Variants in EFTUD2 observed in about 807,000 individuals in gnomAD.
EFTUD2 encodes 116 kDa U5 small nuclear ribonucleoprotein component.
Under a neutral mutation model 114.3 loss-of-function variants are expected in EFTUD2, and 9 were observed. That is an observed-to-expected ratio of 0.08 (90% CI 0.05 to 0.14). The LOEUF (loss-of-function observed/expected upper bound fraction) is 0.14. Among genes scored for constraint, EFTUD2 ranks in the 10% least tolerant of loss-of-function variants. EFTUD2 has a pLI of 1.00. For missense variants in EFTUD2, 765 were observed against 1,241.2 expected, an observed-to-expected ratio of 0.62 and a Z score of 5.76; for synonymous variants, 449 against 462.3, an observed-to-expected ratio of 0.97 and a Z score of 0.37.
chr17:44,883,943 G>T (rs2051119002), intron 4 of EFTUD2: 2 of 551,728 alleles, frequency 3.6e-6, no homozygotes, highest in South Asian at 4.5e-5. Flanking sequence ...ACTATCACGG[G>T]GATTTCAATA....
chr17:44,861,322 A>G (rs955730432), intron 16 of EFTUD2, among the ~76,000 whole-genome samples: 10 of 151,562 alleles, frequency 6.6e-5, no homozygotes, highest in African/African-American at 2.4e-4. Context: ...GTGCACACCT[A>G]TAACCCTGGC....
At chr17:44,880,780 C>T (rs2051059262) in intron 7 of EFTUD2, 136 bp from the exon 8 acceptor site, 1 of 607,878 alleles carries the variant, frequency 1.6e-6, no homozygotes, top group Non-Finnish European at 2.9e-6. Context: ...GGCCTCTAGC[C>T]AGCATGACCT....
rs748843213 is a variant in EFTUD2 at position 44,851,776 on chromosome 17, G to A, written c.2757C>T (p.Arg919=). The A allele has an allele frequency of 1.2e-6, 2 of 1,608,386 alleles. No individual in the cohort carries two copies. Among genetic ancestry groups the A allele is most frequent in the East Asian group, 4.5e-5 (2 of 44,774 alleles). ...GAGGAGCTGGCTGTGGCTCCAAGGG[G>A]CGGATGACAATGCTCTTGTCCAGGG... is the stretch of plus-strand genomic sequence containing the variant. The part of the protein sequence containing the change: ...GDPLDKSIVI[R]PLEPQPAPHL... The change falls in exon 27 of 28, where the codon CGC becomes CGT. Residue 919 remains arginine (R), a synonymous_variant. Transcript: ENST00000426333.
intron 9 of EFTUD2, among the ~76,000 whole-genome samples, chr17:44,877,606 G>C (rs375879503): frequency 2.6e-5 from 4 of 152,158 alleles, no homozygotes; most frequent in Non-Finnish European, 5.9e-5. Context: ...AGGAGTTCAA[G>C]ACCAGCCTGA....
chr17:44,853,047 A>AT (rs1447687144), intron 25 of EFTUD2, among the ~76,000 whole-genome samples: 2 of 151,986 alleles, frequency 1.3e-5, no homozygotes. Flanking sequence ...CGCCCAGCTA[A>AT]TTTTTTGTAT....
At chr17:44,888,119 C>T (rs1010226792) in intron 2 of EFTUD2, among the ~76,000 whole-genome samples, 4 of 152,118 alleles carry the variant, frequency 2.6e-5, no homozygotes. Flanking sequence ...ATGCAAAGGC[C>T]CAGAGCCAAG....
chr17:44,857,227 G>T, intron 19 of EFTUD2, 70 bp from the exon 20 acceptor site: 1 of 1,333,124 alleles, frequency 7.5e-7, no homozygotes, highest in Non-Finnish European at 1.1e-6. Flanking sequence ...TTACCTAAGG[G>T]AATTCAGAAG....
chr17:44,883,567 A>C, intron 5 of EFTUD2, 82 bp downstream of exon 5: 277 of 1,346,840 alleles, frequency 2.1e-4, no homozygotes, highest in Non-Finnish European at 2.7e-4. Context: ...CTCAAACCTC[A>C]ACCGCTGTGA....
At chr17:44,881,170 C>A (rs2051065910) in intron 7 of EFTUD2, among the ~76,000 whole-genome samples, 1 of 151,890 alleles carries the variant, frequency 6.6e-6, no homozygotes, top group Non-Finnish European at 1.5e-5. Flanking sequence ...CTTAAAACTT[C>A]CATTAGGAAA....
chr17:44,879,721 C>A, intron 8 of EFTUD2, 83 bp from the exon 9 acceptor site: 1 of 1,377,006 alleles, frequency 7.3e-7, no homozygotes, highest in Non-Finnish European at 1.0e-6. Context: ...GGGGGCACTT[C>A]AAAGCCCGTG....
In EFTUD2 at chr17:44,852,454, G is replaced by A. The variant is rs2050472995; in HGVS notation, c.2670C>T (p.His890=). 3 of 1,614,112 alleles carry A rather than the reference G, an allele frequency of 1.9e-6. No individual in the cohort carries two copies. Among genetic ancestry groups the A allele is most frequent in the Non-Finnish European group, 2.5e-6 (3 of 1,180,018 alleles). The change falls in exon 26 of 28, where the codon CAC becomes CAT. Residue 890 remains histidine, a synonymous_variant. Coordinates refer to ENST00000426333, the MANE Select transcript of EFTUD2 (RefSeq NM_004247.4). ...SFGFETDLRT[H]TQGQAFSLSV... is the part of the protein sequence containing the mutation. ...ACAGAGAAAAGGCTTGTCCCTGGGT[G>A]TGAGTCCGGAGATCAGTCTCAAAGC...
intron 18 of EFTUD2, 36 bp downstream of exon 18, chr17:44,859,869 G>A (rs1368238895): frequency 1.2e-6 from 2 of 1,613,198 alleles, no homozygotes; most frequent in Non-Finnish European, 1.7e-6. Flanking sequence ...GCTGGGGATA[G>A]TGGGGCTTGG....
chr17:44,855,051 G>T, intron 20 of EFTUD2, 47 bp from the exon 21 acceptor site: 1 of 1,513,748 alleles, frequency 6.6e-7, no homozygotes, highest in Non-Finnish European at 9.2e-7. Flanking sequence ...CAGAACAGCA[G>T]AAGAGGCATT....
chr17:44,874,506 A>G (rs1473277432), intron 10 of EFTUD2, among the ~76,000 whole-genome samples: 1 of 152,170 alleles, frequency 6.6e-6, no homozygotes, highest in African/African-American at 2.4e-5. Flanking sequence ...CTAGCCACAC[A>G]GGTTCCATCC....
At chr17:44,875,308 A>T (rs1274512041) in intron 10 of EFTUD2, among the ~76,000 whole-genome samples, 2 of 152,214 alleles carry the variant, frequency 1.3e-5, no homozygotes, top group Non-Finnish European at 2.9e-5. Flanking sequence ...AGGTGGGCGG[A>T]TCACGAGCTC....
Position 44,859,090 on chromosome 17 carries a change from A to C in EFTUD2, c.1952T>G (p.Ile651Arg). ...MHDLRKMYSE[I>R]DIKVADPVVT... is the part of the protein sequence containing the mutation. ...CAGATACTGCTGTACCTTGATGTCT[A>C]TCTCTGAGTACATCTTCCGCAAATC... Residue 651 changes from isoleucine to arginine, a missense_variant, in exon 19 of 28, where the codon ATA becomes AGA. By Grantham distance (97) the Ile-to-Arg change is moderately conservative (BLOSUM62 -3). Transcript: ENST00000426333. 2 of 1,611,278 alleles carry C rather than the reference A, an allele frequency of 1.2e-6. No homozygotes were observed. The highest frequency in any genetic ancestry group is 1.7e-6 in the Non-Finnish European group (2 of 1,177,404).
At position 44,863,786 on chromosome 17, in the gene EFTUD2, TG is replaced by T; in HGVS notation, c.1286-5del. ...TGCACACACATGTCCACAAAGCCTG[TG>T]GATGGAGAAGAGAAAGCCATTAATA... On this transcript the variant is annotated splice_polypyrimidine_tract_variant and splice_region_variant and intron_variant, in intron 14 of 27. Transcript: ENST00000426333. The T allele has an allele frequency of 6.2e-7, 1 of 1,613,658 alleles. No homozygotes were observed. Among genetic ancestry groups the T allele is most frequent in the Non-Finnish European group, 8.5e-7 (1 of 1,179,804 alleles).
intron 3 of EFTUD2, 72 bp from the exon 4 acceptor site, chr17:44,885,406 AGACT>A (rs2051150249): frequency 1.0e-6 from 1 of 985,856 alleles, no homozygotes; most frequent in African/African-American, 1.6e-5. Flanking sequence ...CTATTCCATT[AGACT>A]GACCTTTCAG....
At chr17:44,873,275 C>T (rs1020667264) in intron 10 of EFTUD2, 2 of 152,208 alleles carry the variant, frequency 1.3e-5, no homozygotes, top group African/African-American at 4.8e-5. Context: ...GAGGCAACTG[C>T]TTTCAACACT....
Sources: allele counts gnomAD v4.1 joint callset (sites outside exome capture counted in the v4.1 genomes callset), GRCh38; gene constraint gnomAD v4.1.1; transcripts MANE v1.5; gene names NCBI Gene and HGNC (gene_info 2026-07-23, HGNC 2026-07-21).